GSE1: variants seen among roughly 807,000 people sequenced by gnomAD.
GSE1 encodes the protein Gse1 coiled-coil protein, also known as genetic suppressor element 1.
Under a neutral mutation model 112.6 loss-of-function variants are expected in GSE1, and 32 were observed. The ratio of observed to expected loss-of-function variants is 0.28; its 90% CI spans 0.21 to 0.38. The LOEUF is 0.38. Among genes scored for constraint, GSE1 ranks in the 10% least tolerant of loss-of-function variants. GSE1 has a pLI of 1.00. For synonymous variants in GSE1, 1,115 were observed against 735.6 expected (o/e 1.52, Z -8.35); for missense variants, 2,348 against 1,699.2 (o/e 1.38, Z -6.71).
intron 1 of GSE1, among the ~76,000 whole-genome samples, chr16:85,585,565 G>T: frequency 6.6e-6 from 1 of 152,150 alleles, no homozygotes; most frequent in Middle Eastern, 3.2e-3. Flanking sequence ...CTCCATGTGG[G>T]GAGGAGGGAG....
intron 2 of GSE1, among the ~76,000 whole-genome samples, chr16:85,401,440 C>G (rs1373355504): frequency 2.6e-5 from 4 of 152,282 alleles, no homozygotes; most frequent in Non-Finnish European, 5.9e-5. Context: ...CTCGGGGGCT[C>G]TGGATGGGCC....
intron 3 of GSE1, among the ~76,000 whole-genome samples, chr16:85,652,479 C>T (rs2051446659): frequency 6.6e-6 from 1 of 152,202 alleles, no homozygotes; most frequent in African/African-American, 2.4e-5. Context: ...GAGGACCCTA[C>T]AGAGAAGGGG....
At chr16:85,523,089 G>C (rs994526648) in intron 2 of GSE1, among the ~76,000 whole-genome samples, 1 of 151,780 alleles carries the variant, frequency 6.6e-6, no homozygotes, top group Non-Finnish European at 1.5e-5. Flanking sequence ...TGTGTGGCCT[G>C]TGTGTGTTGT....
chr16:85,373,035 A>G lies in GSE1; in HGVS notation c.2464+15392A>G, dbSNP rs1431237944. 1.3e-5 allele frequency among the ~76,000 whole-genome samples: 2 copies of G among 152,274 alleles called. No individual in the cohort carries two copies. Among genetic ancestry groups the G allele is most frequent in the African/African-American group, 4.8e-5 (2 of 41,482 alleles). On this transcript the variant is annotated intron_variant, in intron 2 of 2. Transcript: ENST00000637419. The surrounding 1 kb of genome is among the most constrained non-coding windows in gnomAD (Gnocchi z 5.1). ...GAAAGTGTTCTCTAAACTGTGAGAC[A>G]TGCAGAAGTTCTCCAGAATCACCTG... is the stretch of plus-strand genomic sequence containing the variant.
intron 1 of GSE1, among the ~76,000 whole-genome samples, chr16:85,204,488 C>T (rs2075081676): frequency 1.3e-5 from 2 of 152,330 alleles, no homozygotes; most frequent in South Asian, 4.1e-4. Flanking sequence ...AGCAGAAATG[C>T]TGGGTCGTGT....
rs147751186 is a variant in GSE1 at position 85,508,994 on chromosome 16, T to G, written c.2465-124920T>G. 3.3e-3 allele frequency among the ~76,000 whole-genome samples: 508 copies of G among 152,170 alleles called. 3 individuals are homozygous for G. The highest frequency in any genetic ancestry group is 0.012 in the African/African-American group (487 of 41,508). ...CTGGCTGGGTCACAGTGGATATGTC[T>G]GGTAGGGCTGGGCAAAGGTGGGAAC... On this transcript the variant is annotated intron_variant, in intron 2 of 2. Transcript: ENST00000637419.
At chr16:85,421,412 G>A (rs2048842890) in intron 2 of GSE1, among the ~76,000 whole-genome samples, 1 of 152,166 alleles carries the variant, frequency 6.6e-6, no homozygotes, top group Non-Finnish European at 1.5e-5. Flanking sequence ...AGCACAGCAA[G>A]CAGGGGCTCC....
chr16:85,407,039 C>T (rs1332901977), intron 2 of GSE1, among the ~76,000 whole-genome samples: 1 of 9,860 alleles, frequency 1.0e-4, no homozygotes. Context: ...TCAGGGCCCC[C>T]CGGATAATCC....
chr16:85,296,858 C>G (rs2045381015), intron 1 of GSE1, among the ~76,000 whole-genome samples: 1 of 143,428 alleles, frequency 7.0e-6, no homozygotes, highest in African/African-American at 2.6e-5. Flanking sequence ...CAGTCCACAG[C>G]TTGCCTGGAG....
chr16:85,657,305 G>A lies in GSE1; in HGVS notation c.1341G>A (p.Ala447=), dbSNP rs769749012. ...AGCTGAAGGATGCCGGCCTGCAGGC[G>A]CCCAAGCCCGTCCAACACCCCTTGC... ...AEKLKDAGLQ[A]PKPVQHPLHP... The change falls in exon 8 of 16, where the codon GCG becomes GCA. Residue 447 remains alanine (A), a synonymous_variant. Coordinates refer to ENST00000253458, the MANE Select transcript of GSE1 (RefSeq NM_014615.5). 83 of 1,583,514 alleles carry A rather than the reference G, an allele frequency of 5.2e-5. 1 individual carries two copies. Among genetic ancestry groups the A allele is most frequent in the Non-Finnish European group, 6.8e-5 (79 of 1,165,830 alleles).
At chr16:85,279,505 G>GA (rs940412464) in intron 1 of GSE1, among the ~76,000 whole-genome samples, 1 of 151,944 alleles carries the variant, frequency 6.6e-6, no homozygotes, top group Non-Finnish European at 1.5e-5. Context: ...CACTCAAGGG[G>GA]GGATCACTTG....
chr16:85,668,359 A>T lies in GSE1; in HGVS notation c.3350A>T (p.Glu1117Val). 4 of 1,613,336 alleles carry T rather than the reference A, an allele frequency of 2.5e-6. No homozygotes were observed. Among genetic ancestry groups the T allele is most frequent in the Non-Finnish European group, 2.5e-6 (3 of 1,179,672 alleles). ...GATGAAGATGGAGAAGATGAGGAGG[A>T]AGTCCCCAAGCGCAAGTGGCAAGGG... ...EDDEDGEDEE[E>V]VPKRKWQGIE... The change falls in exon 14 of 16, where the codon GAA becomes GTA. Residue 1117 changes from glutamate to valine, a missense_variant. Coordinates refer to ENST00000253458, the MANE Select transcript of GSE1 (RefSeq NM_014615.5).
chr16:85,570,955 A>G (rs1037739856), intron 1 of GSE1, among the ~76,000 whole-genome samples: 2 of 152,142 alleles, frequency 1.3e-5, no homozygotes, highest in African/African-American at 4.8e-5. Flanking sequence ...ATCTGGGAGG[A>G]CTTCCTGCAG....
chr16:85,217,823 C>T (rs185982949), intron 1 of GSE1, among the ~76,000 whole-genome samples: 1 of 152,324 alleles, frequency 6.6e-6, no homozygotes, highest in East Asian at 1.9e-4. Context: ...GAAGCCCTCC[C>T]TGACTACCAC....
chr16:85,586,905 G>A (rs796191889), intron 1 of GSE1, among the ~76,000 whole-genome samples: 3 of 152,376 alleles, frequency 2.0e-5, no homozygotes, highest in African/African-American at 7.2e-5. Context: ...CCAGCATGCA[G>A]CGCGAGAGGA....
chr16:85,468,495 TTAG>T lies in GSE1; in HGVS notation c.2464+110856_2464+110858del, dbSNP rs576038882. ...CCATGCCCAGCTAGTTTTTGTATTC[TTAG>T]TAGAGATAGGGTTTTCACCATGTTG... On this transcript the variant is annotated intron_variant, in intron 2 of 2. Coordinates refer to the GSE1 transcript ENST00000637419. 6.9e-4 allele frequency among the ~76,000 whole-genome samples: 105 copies of T among 152,128 alleles called. 1 individual carries two copies. Among genetic ancestry groups the T allele is most frequent in the Non-Finnish European group, 1.2e-3 (80 of 68,004 alleles).
intron 1 of GSE1, among the ~76,000 whole-genome samples, chr16:85,614,597 C>T (rs1377378684): frequency 6.6e-6 from 1 of 152,194 alleles, no homozygotes; most frequent in Non-Finnish European, 1.5e-5. Flanking sequence ...GGCCGGGGGC[C>T]TGGCCGCAGT....
At chr16:85,387,603 C>A (rs1325736962) in intron 2 of GSE1, among the ~76,000 whole-genome samples, 1 of 152,250 alleles carries the variant, frequency 6.6e-6, no homozygotes, top group Non-Finnish European at 1.5e-5. Context: ...TTCATGTTAC[C>A]TTGGGTTGCT....
At chr16:85,234,271 C>G (rs1364984251) in intron 1 of GSE1, among the ~76,000 whole-genome samples, 1 of 152,162 alleles carries the variant, frequency 6.6e-6, no homozygotes, top group Non-Finnish European at 1.5e-5. Context: ...CTCTGGGCTA[C>G]TGCCTCATTT....
Sources: allele counts gnomAD v4.1 joint callset (sites outside exome capture counted in the v4.1 genomes callset), GRCh38; gene constraint gnomAD v4.1.1; non-coding constraint Gnocchi (gnomAD v3.1); transcripts MANE v1.5; gene names NCBI Gene and HGNC (gene_info 2026-07-23, HGNC 2026-07-21).